Variants in CPEB1 observed in about 807,000 individuals in gnomAD.
The protein encoded by CPEB1 is cytoplasmic polyadenylation element binding protein 1.
Under a neutral mutation model 65.8 loss-of-function variants are expected in CPEB1, and 7 were observed. The observed-to-expected ratio is 0.11, with a 90% CI of 0.06 to 0.20. CPEB1 has a LOEUF of 0.20. Ranked by LOEUF, CPEB1 falls within the 10% of genes least tolerant of loss-of-function variation. CPEB1 has a pLI of 1.00. For missense variants in CPEB1, 551 were observed against 712.2 expected, an observed-to-expected ratio of 0.77 and a Z score of 2.58; for synonymous variants, 262 against 260.0, an observed-to-expected ratio of 1.01 and a Z score of -0.08.
At chr15:82,549,728 G>T in intron 9 of CPEB1, 70 bp from the exon 10 acceptor site, 5 of 1,444,826 alleles carry the variant, frequency 3.5e-6, no homozygotes, top group Non-Finnish European at 4.8e-6. Context: ...GCACGGCAAG[G>T]TACGTGCTCT....
chr15:82,639,842 C>T (rs1596144945), intron 1 of CPEB1, among the ~76,000 whole-genome samples: 3 of 148,264 alleles, frequency 2.0e-5, no homozygotes, highest in Admixed American at 6.6e-5. Flanking sequence ...GACACACACG[C>T]GCAAACACTC....
At chr15:82,635,198 T>C (rs1417401095) in intron 1 of CPEB1, among the ~76,000 whole-genome samples, 1 of 152,220 alleles carries the variant, frequency 6.6e-6, no homozygotes, top group Non-Finnish European at 1.5e-5. Context: ...AAAATTTCTA[T>C]AGCACGGATA....
intron 3 of CPEB1, among the ~76,000 whole-genome samples, chr15:82,576,763 G>A (rs987869166): frequency 6.6e-6 from 1 of 152,140 alleles, no homozygotes; most frequent in Non-Finnish European, 1.5e-5. Flanking sequence ...TGGCTCATAC[G>A]TGTAGTCCCA....
In CPEB1 at chr15:82,633,964, TA is replaced by T. The variant is rs112776351; in HGVS notation, c.-97-5409del. On this transcript the variant is annotated intron_variant, in intron 1 of 12. Coordinates refer to ENST00000684509, the MANE Select transcript of CPEB1 (RefSeq NM_001365242.1). ...TCTGAGCCTTGGTTACCTAAAGGTA[TA>T]AAAAAAAAAAAAAGAGGGTAGCACC... Among the ~76,000 whole-genome samples the T allele has an allele frequency of 4.6e-3, 611 of 133,004 alleles. 2 individuals are homozygous for T. The highest frequency in any genetic ancestry group is 0.012 in the Middle Eastern group (3 of 258). 87.3% of individuals were successfully genotyped at this position (133,004 alleles called of 152,430 possible).
chr15:82,625,515 T>C (rs2045684023), intron 3 of CPEB1, among the ~76,000 whole-genome samples: 3 of 152,202 alleles, frequency 2.0e-5, no homozygotes, highest in Admixed American at 2.0e-4. Context: ...TTGGTATATG[T>C]AGGGAATTGG....
At chr15:82,563,173 A>T (rs1342932077) in intron 4 of CPEB1, among the ~76,000 whole-genome samples, 1 of 152,196 alleles carries the variant, frequency 6.6e-6, no homozygotes, top group Admixed American at 6.5e-5. Flanking sequence ...AGCAAAACCA[A>T]AAGGAGCAAG....
chr15:82,636,028 A>G (rs1299839136), intron 1 of CPEB1, among the ~76,000 whole-genome samples: 3 of 152,130 alleles, frequency 2.0e-5, no homozygotes, highest in Non-Finnish European at 4.4e-5. Flanking sequence ...AACAGATACA[A>G]GATCTCCTCT....
At chr15:82,644,586 A>G (rs1323113736) in intron 1 of CPEB1, among the ~76,000 whole-genome samples, 1 of 152,230 alleles carries the variant, frequency 6.6e-6, no homozygotes, top group Non-Finnish European at 1.5e-5. Context: ...AGATCCATCA[A>G]AATAGAGATA....
At chr15:82,615,931 T>C (rs2044667234) in intron 3 of CPEB1, among the ~76,000 whole-genome samples, 2 of 152,018 alleles carry the variant, frequency 1.3e-5, no homozygotes, top group Admixed American at 1.3e-4. Context: ...AATATATATT[T>C]ACCTAAATAC....
intron 1 of CPEB1, among the ~76,000 whole-genome samples, chr15:82,641,119 A>G (rs560424940): frequency 3.3e-4 from 51 of 152,310 alleles, no homozygotes; most frequent in Admixed American, 2.9e-3. Flanking sequence ...CTCCTAGTCC[A>G]TGAAAAGAGG....
chr15:82,588,197 C>T (rs530790146), intron 3 of CPEB1, among the ~76,000 whole-genome samples: 2 of 152,164 alleles, frequency 1.3e-5, no homozygotes, highest in Admixed American at 1.3e-4. Context: ...ATCCACCTGC[C>T]TTGGCCTCCC....
intron 6 of CPEB1, 131 bp from the exon 7 acceptor site, chr15:82,554,122 C>T: frequency 1.8e-6 from 1 of 562,450 alleles, no homozygotes; most frequent in Non-Finnish European, 3.1e-6. Flanking sequence ...GAGAGAATAT[C>T]CATGATTATT....
upstream of CPEB1, chr15:82,648,149 G>A (rs2047735854): frequency 2.9e-6 from 1 of 347,436 alleles, no homozygotes; most frequent in Non-Finnish European, 5.2e-6. Flanking sequence ...GAACCCGGCG[G>A]GGACTGCCGC....
chr15:82,621,235 G>C (rs575222659), intron 3 of CPEB1, among the ~76,000 whole-genome samples: 1 of 152,112 alleles, frequency 6.6e-6, no homozygotes, highest in Admixed American at 6.5e-5. Flanking sequence ...AGTAATCCCA[G>C]CAACTTGGGA....
rs556442222 is a variant in CPEB1 at position 82,564,925 on chromosome 15, T to C, written c.460+6419A>G. Among the ~76,000 whole-genome samples the C allele has an allele frequency of 3.0e-3, 461 of 151,846 alleles. 4 individuals carry two copies. Among genetic ancestry groups the C allele is most frequent in the Non-Finnish European group, 4.1e-3 (276 of 67,932 alleles). ...CTCACTGAATTATATACCAACCACA[T>C]AGAAAAACGGGGAAAGGACTTGGAT... On this transcript the variant is annotated intron_variant, in intron 4 of 12. Transcript: ENST00000684509.
intron 12 of CPEB1, among the ~76,000 whole-genome samples, chr15:82,544,934 G>A (rs974583780): frequency 2.6e-5 from 4 of 152,166 alleles, no homozygotes; most frequent in Non-Finnish European, 5.9e-5. Flanking sequence ...TGTTGGGCTC[G>A]TAGTGTGTGC....
At chr15:82,618,353 T>C (rs1239990352) in intron 3 of CPEB1, among the ~76,000 whole-genome samples, 1 of 152,228 alleles carries the variant, frequency 6.6e-6, no homozygotes, top group Non-Finnish European at 1.5e-5. Flanking sequence ...CACATATGTA[T>C]ATTCTCTCTC....
rs1022804834 is a variant in CPEB1, at chr15:82,621,376, C to G, written c.271+5817G>C. ...GTGGCTCACGCCTGTAATCCCAGCA[C>G]TTTGGGAGGCCGAGGCAGGCGGATC... On this transcript the variant is annotated intron_variant, in intron 3 of 12. Transcript: ENST00000684509. Among the ~76,000 whole-genome samples the G allele has an allele frequency of 2.4e-4, 36 of 151,126 alleles. No individual in the cohort carries two copies. The East Asian group carries it at 2.9e-3, about 12-fold the overall frequency.
At chr15:82,624,799 G>T (rs767691775) in intron 3 of CPEB1, among the ~76,000 whole-genome samples, 1 of 151,822 alleles carries the variant, frequency 6.6e-6, no homozygotes, top group Non-Finnish European at 1.5e-5. Context: ...AACCCAGTGA[G>T]GTTTAAGTCA....
Sources: gnomAD v4.1 joint callset for allele counts (sites outside exome capture counted in the v4.1 genomes callset) on GRCh38, gnomAD v4.1.1 for gene constraint, MANE v1.5 for transcripts, NCBI Gene and HGNC (gene_info 2026-07-23, HGNC 2026-07-21) for gene names.